The following GHR variants were observed in gnomAD, a reference collection of about 807,000 sequenced individuals.
GHR encodes growth hormone receptor, also known as GH receptor.
GHR carries 35 observed loss-of-function variants against 67.1 expected under a neutral mutation model. The observed-to-expected ratio is 0.52, with a 90% CI of 0.40 to 0.69. GHR has a LOEUF of 0.69. Among genes scored for constraint, GHR ranks in the 30% least tolerant of loss-of-function variants. GHR has a pLI of 0.00. For missense variants in GHR, 792 were observed against 764.6 expected (o/e 1.04, Z -0.42); for synonymous variants, 272 against 269.1 (o/e 1.01, Z -0.10).
intron 5 of GHR, among the ~76,000 whole-genome samples, chr5:42,696,524 GC>G (rs1757682038): frequency 6.6e-6 from 1 of 152,124 alleles, no homozygotes; most frequent in Non-Finnish European, 1.5e-5. Context: ...CAGTGGACTT[GC>G]CTTTCAGTAA....
rs116832362 is a variant in GHR, at chr5:42,637,645, T to C, written c.136+8542T>C. On this transcript the variant is annotated intron_variant, in intron 3 of 9. Coordinates refer to ENST00000230882, the MANE Select transcript of GHR (RefSeq NM_000163.5). ...CAAAGGACATGATTTTGTTCTTTTT[T>C]ATGGCTGCATAGCTTTTCATGGTAT... Among the ~76,000 whole-genome samples, 584 of 152,326 alleles carry C rather than the reference T, an allele frequency of 3.8e-3. 3 individuals are homozygous for C. The highest frequency in any genetic ancestry group is 0.013 in the African/African-American group (551 of 41,548).
chr5:42,479,697 T>A (rs897777316), intron 1 of GHR, among the ~76,000 whole-genome samples: 2 of 152,230 alleles, frequency 1.3e-5, no homozygotes, highest in African/African-American at 4.8e-5. Context: ...TATTCTCTGA[T>A]GGTAGTTTGT....
At chr5:42,621,499 T>C (rs1753442693) in intron 2 of GHR, among the ~76,000 whole-genome samples, 1 of 152,126 alleles carries the variant, frequency 6.6e-6, no homozygotes, top group African/African-American at 2.4e-5. Context: ...GAAATAAATA[T>C]GTGAAGCTTG....
intron 6 of GHR, among the ~76,000 whole-genome samples, chr5:42,707,167 T>C (rs887470655): frequency 6.6e-6 from 1 of 152,030 alleles, no homozygotes; most frequent in South Asian, 2.1e-4. Context: ...GTTAACCTGA[T>C]AACAATTTAA....
rs550480772 is a variant in GHR at position 42,432,736 on chromosome 5, T to C, written c.-12+8781T>C. Among the ~76,000 whole-genome samples, 7 of 152,312 alleles carry C rather than the reference T, an allele frequency of 4.6e-5. No individual in the cohort carries two copies. In the East Asian group the frequency reaches 1.3e-3, roughly 29 times the overall value. On this transcript the variant is annotated intron_variant, in intron 1 of 9. Coordinates refer to ENST00000230882, the MANE Select transcript of GHR (RefSeq NM_000163.5). Reference sequence around the variant, plus strand: ...AGATAAAGGAAAGGCATCATTTTTATACCTAGGAAATCAGAAAGATTAAAG... The same window carrying C: ...AGATAAAGGAAAGGCATCATTTTTACACCTAGGAAATCAGAAAGATTAAAG...
chr5:42,599,724 CA>C (rs1752269653), intron 2 of GHR, among the ~76,000 whole-genome samples: 1 of 152,056 alleles, frequency 6.6e-6, no homozygotes, highest in African/African-American at 2.4e-5. Context: ...AATTTAACAA[CA>C]AAAACAACAA....
intron 3 of GHR, among the ~76,000 whole-genome samples, chr5:42,660,108 T>G (rs4346811): frequency 0.012 from 1,785 of 152,206 alleles, 35 homozygotes; most frequent in African/African-American, 0.041. Flanking sequence ...CAGGCGGGAA[T>G]CTCGAACTGG....
chr5:42,518,822 T>A (rs1277151869), intron 1 of GHR, among the ~76,000 whole-genome samples: 1 of 152,148 alleles, frequency 6.6e-6, no homozygotes, highest in Non-Finnish European at 1.5e-5. Context: ...ACTCACTCTT[T>A]GGGACTCCAA....
chr5:42,704,349 A>G (rs1407505421), intron 6 of GHR, among the ~76,000 whole-genome samples: 1 of 151,970 alleles, frequency 6.6e-6, no homozygotes, highest in Non-Finnish European at 1.5e-5. Flanking sequence ...AAAGTGATGT[A>G]TTATGTTTAT....
intron 3 of GHR, among the ~76,000 whole-genome samples, chr5:42,680,512 C>CT (rs1176303744): frequency 6.2e-5 from 9 of 145,580 alleles, no homozygotes; most frequent in Admixed American, 2.1e-4. Context: ...TTGCAAAACA[C>CT]TTTTTTTTTT....
At chr5:42,698,774 G>A (rs1757795964) in intron 5 of GHR, among the ~76,000 whole-genome samples, 1 of 152,132 alleles carries the variant, frequency 6.6e-6, no homozygotes, top group East Asian at 1.9e-4. Context: ...ATATATGGCA[G>A]AAAAAGAAAG....
chr5:42,538,317 G>T (rs1748351826), intron 1 of GHR, among the ~76,000 whole-genome samples: 1 of 152,152 alleles, frequency 6.6e-6, no homozygotes, highest in Admixed American at 6.5e-5. Flanking sequence ...AATGTTTCCA[G>T]GATTTGTTTC....
chr5:42,680,742 T>C (rs1580187611), intron 3 of GHR, among the ~76,000 whole-genome samples: 2 of 152,032 alleles, frequency 1.3e-5, no homozygotes, highest in Admixed American at 6.6e-5. Context: ...TGGCCTCAGG[T>C]AATCCACCCG....
chr5:42,437,328 A>T (rs1327324424), intron 1 of GHR, among the ~76,000 whole-genome samples: 1 of 152,178 alleles, frequency 6.6e-6, no homozygotes, highest in East Asian at 1.9e-4. Flanking sequence ...TTATAGAAGT[A>T]ATTACAGGCA....
chr5:42,447,720 CCT>C (rs979267435), intron 1 of GHR, among the ~76,000 whole-genome samples: 4 of 140,094 alleles, frequency 2.9e-5, no homozygotes, highest in Admixed American at 7.1e-5. Context: ...TCCCTCCCTC[CCT>C]CTCTCTCTCT....
chr5:42,715,254 G>C, intron 8 of GHR: 3 of 253,018 alleles, frequency 1.2e-5, no homozygotes, highest in South Asian at 1.1e-4. Flanking sequence ...GTCTAAATTT[G>C]CATGTTCTAC....
At chr5:42,478,201 C>A (rs1185435671) in intron 1 of GHR, among the ~76,000 whole-genome samples, 2 of 151,990 alleles carry the variant, frequency 1.3e-5, no homozygotes, top group Non-Finnish European at 2.9e-5. Context: ...TGTAGATATG[C>A]GGCATTATTT....
chr5:42,548,985 G>A (rs566478553), intron 1 of GHR, among the ~76,000 whole-genome samples: 1 of 152,328 alleles, frequency 6.6e-6, no homozygotes, highest in African/African-American at 2.4e-5. Flanking sequence ...TCTGTTCCAT[G>A]TGTTACATTT....
intron 3 of GHR, among the ~76,000 whole-genome samples, chr5:42,666,359 A>G (rs550553652): frequency 3.9e-4 from 60 of 152,270 alleles, no homozygotes; most frequent in African/African-American, 1.3e-3. Flanking sequence ...AAAAGCATTC[A>G]TTGTTAATGA....
Sources: gnomAD v4.1 joint callset for allele counts (sites outside exome capture counted in the v4.1 genomes callset) on GRCh38, gnomAD v4.1.1 for gene constraint, MANE v1.5 for transcripts, NCBI Gene and HGNC (gene_info 2026-07-23, HGNC 2026-07-21) for gene names.